Variants in PTK2 observed in about 807,000 individuals in gnomAD.
The protein encoded by PTK2 is protein tyrosine kinase 2, also known as focal adhesion kinase 1.
A neutral mutation model predicts 150.1 loss-of-function variants in PTK2; 45 were observed. The ratio of observed to expected loss-of-function variants is 0.30; its 90% confidence interval spans 0.24 to 0.38. The LOEUF is 0.38. Ranked by LOEUF, PTK2 falls within the 10% of genes least tolerant of loss-of-function variation. The probability of loss-of-function intolerance (pLI) is 1.00; values close to 1 mark genes in which losing one functional copy is unlikely to be tolerated. For missense variants in PTK2, 919 were observed against 1,307.3 expected, an observed-to-expected ratio of 0.70 and a Z score of 4.58; for synonymous variants, 432 against 449.2, an observed-to-expected ratio of 0.96 and a Z score of 0.48.
chr8:140,806,024 G>C lies in PTK2; in HGVS notation c.868-2374C>G, dbSNP rs1275449562. ...TTTCGTTGGGGTAGAACCATTTCAG[G>C]GGGTGGGTTGTTTTTATAACCAAGG... is the stretch of plus-strand genomic sequence containing the variant. On this transcript the variant is annotated intron_variant, in intron 10 of 31. Coordinates refer to ENST00000522684, the Ensembl canonical transcript of PTK2. Among the ~76,000 whole-genome samples, 3 of 152,248 alleles carry C rather than the reference G, an allele frequency of 2.0e-5. No individual in the cohort carries two copies. The East Asian group carries it at 5.8e-4, about 29-fold the overall frequency.
chr8:140,757,439 A>C (rs557357992), intron 16 of PTK2, among the ~76,000 whole-genome samples: 158 of 152,318 alleles, frequency 1.0e-3, no homozygotes, highest in Non-Finnish European at 1.9e-3. Context: ...CAAATTATAC[A>C]ATTTGATATA....
At chr8:140,697,451 TG>T (rs1564588274) in intron 26 of PTK2, among the ~76,000 whole-genome samples, 1 of 151,544 alleles carries the variant, frequency 6.6e-6, no homozygotes, top group Non-Finnish European at 1.5e-5. Context: ...TGTGTGTGTG[TG>T]TGTTTTTAAA....
intron 8 of PTK2, among the ~76,000 whole-genome samples, chr8:140,825,266 C>T (rs930863997): frequency 6.6e-6 from 1 of 152,202 alleles, no homozygotes; most frequent in Non-Finnish European, 1.5e-5. Flanking sequence ...GCATCCCCAA[C>T]TCAGGTCCTG....
chr8:140,664,076 C>T (rs1010810575), intron 31 of PTK2, among the ~76,000 whole-genome samples: 16 of 152,110 alleles, frequency 1.1e-4, no homozygotes, highest in Non-Finnish European at 2.2e-4. Flanking sequence ...CTCCACCTCC[C>T]GGGTTCAAGT....
intron 26 of PTK2, 134 bp from the exon 30 acceptor site, chr8:140,686,828 A>T (rs1400120839): frequency 3.9e-6 from 3 of 765,404 alleles, no homozygotes; most frequent in Non-Finnish European, 6.3e-6. Flanking sequence ...CCCCGTTTCA[A>T]AAAAATTCCA....
intron 1 of PTK2, among the ~76,000 whole-genome samples, chr8:140,953,002 C>A (rs1443709277): frequency 6.6e-6 from 1 of 152,102 alleles, no homozygotes; most frequent in Non-Finnish European, 1.5e-5. Context: ...TTCGCAATAA[C>A]CCCATAAGGG....
intron 1 of PTK2, among the ~76,000 whole-genome samples, chr8:140,965,579 A>G: frequency 6.6e-6 from 1 of 152,224 alleles, no homozygotes; most frequent in African/African-American, 2.4e-5. Context: ...TCCTCCAAGT[A>G]AACAACAATA....
intron 1 of PTK2, among the ~76,000 whole-genome samples, chr8:140,969,618 T>C (rs2100186535): frequency 6.6e-6 from 1 of 152,228 alleles, no homozygotes; most frequent in South Asian, 2.1e-4. Flanking sequence ...GTGGTTTCTT[T>C]CCAGTCTCTA....
intron 1 of PTK2, among the ~76,000 whole-genome samples, chr8:140,941,222 C>A (rs2100175626): frequency 6.6e-6 from 1 of 152,134 alleles, no homozygotes; most frequent in Non-Finnish European, 1.5e-5. Flanking sequence ...GAGAAAAATA[C>A]AGGGATGGAG....
At chr8:140,951,987 T>G (rs181875247) in intron 1 of PTK2, among the ~76,000 whole-genome samples, 1 of 152,256 alleles carries the variant, frequency 6.6e-6, no homozygotes, top group East Asian at 1.9e-4. Flanking sequence ...TCACCTCTCT[T>G]TAGACTTTCG....
chr8:140,834,807 C>T (rs2100117719), intron 7 of PTK2, among the ~76,000 whole-genome samples: 1 of 152,200 alleles, frequency 6.6e-6, no homozygotes, highest in African/African-American at 2.4e-5. Flanking sequence ...TAACTGACCT[C>T]TATCCTTTAA....
At chr8:140,797,416 A>G (rs1187463022) in intron 12 of PTK2, among the ~76,000 whole-genome samples, 2 of 152,172 alleles carry the variant, frequency 1.3e-5, no homozygotes, top group Non-Finnish European at 1.5e-5. Flanking sequence ...CGTTTTAATT[A>G]TGTAATTGTG....
Position 140,674,285 on chromosome 8 carries a change from C to T in PTK2, c.2709+13G>A. On this transcript the variant is annotated intron_variant, in intron 29 of 31. Coordinates refer to ENST00000522684, the Ensembl canonical transcript of PTK2. ...CTGCAAGCAGAAGGTGCTGCACAGG[C>T]TCAGATGCCCACCTTGACACCCTCG... 1 of 1,592,990 alleles carries T rather than the reference C, an allele frequency of 6.3e-7. No homozygotes were observed. Among genetic ancestry groups the T allele is most frequent in the South Asian group, 1.1e-5 (1 of 88,096 alleles).
intron 29 of PTK2, among the ~76,000 whole-genome samples, chr8:140,671,756 A>AC (rs1421481368): frequency 8.8e-6 from 1 of 113,532 alleles, no homozygotes; most frequent in African/African-American, 3.3e-5. Flanking sequence ...TACTAAAAAT[A>AC]CCCAAAAAAA....
intron 1 of PTK2, among the ~76,000 whole-genome samples, chr8:140,953,051 T>C (rs958679219): frequency 6.6e-6 from 1 of 152,108 alleles, no homozygotes; most frequent in Non-Finnish European, 1.5e-5. Flanking sequence ...TTAAAAAAAA[T>C]TGACTTTCAA....
intron 31 of PTK2, among the ~76,000 whole-genome samples, chr8:140,661,504 A>G (rs2079910374): frequency 1.3e-5 from 2 of 152,362 alleles, no homozygotes; most frequent in African/African-American, 4.8e-5. Context: ...TGCCAATGGC[A>G]GACAGTTGGA....
chr8:140,962,950 GTT>G (rs2100183895), intron 1 of PTK2, among the ~76,000 whole-genome samples: 1 of 151,412 alleles, frequency 6.6e-6, no homozygotes, highest in Non-Finnish European at 1.5e-5. Context: ...TATTCTTTGT[GTT>G]AAGTACATTC....
intron 12 of PTK2, among the ~76,000 whole-genome samples, chr8:140,798,111 G>T (rs1449256684): frequency 6.6e-6 from 1 of 152,134 alleles, no homozygotes; most frequent in East Asian, 1.9e-4. Context: ...AGTAGTTTAT[G>T]ATCTAGAGAA....
At chr8:140,802,404 CAATAT>C (rs1290871892) in intron 11 of PTK2, among the ~76,000 whole-genome samples, 3 of 151,324 alleles carry the variant, frequency 2.0e-5, no homozygotes, top group African/African-American at 7.3e-5. Context: ...TACAGCTGTA[CAATAT>C]ATTTAAAATT....
Sources: gnomAD v4.1 joint callset for allele counts (sites outside exome capture counted in the v4.1 genomes callset) on GRCh38, gnomAD v4.1.1 for gene constraint, MANE v1.5 for transcripts, NCBI Gene and HGNC (gene_info 2026-07-23, HGNC 2026-07-21) for gene names.